The following PPARGC1A variants were observed in gnomAD, a reference collection of about 807,000 sequenced individuals.
PPARGC1A encodes the protein peroxisome proliferator-activated receptor gamma coactivator 1-alpha.
In PPARGC1A, 25 loss-of-function variants were observed where a neutral mutation model predicts 88.7. The ratio of observed to expected loss-of-function variants is 0.28; its 90% CI spans 0.21 to 0.39. PPARGC1A has a LOEUF of 0.39. PPARGC1A is among the 10% of genes least tolerant of loss of function. PPARGC1A has a pLI of 1.00. For synonymous variants in PPARGC1A, 363 were observed against 355.6 expected, an observed-to-expected ratio of 1.02 and a Z score of -0.24; for missense variants, 880 against 968.7, an observed-to-expected ratio of 0.91 and a Z score of 1.22.
the PPARGC1A span, among the ~76,000 whole-genome samples, chr4:24,004,539 C>CA: frequency 2.0e-5 from 3 of 152,180 alleles, no homozygotes; most frequent in Non-Finnish European, 4.4e-5. Context: ...AGTGACCATA[C>CA]ACCATTAACC....
chr4:24,295,249 C>T, the PPARGC1A span, among the ~76,000 whole-genome samples: 1 of 152,184 alleles, frequency 6.6e-6, no homozygotes, highest in Non-Finnish European at 1.5e-5. Context: ...CTCTTTCCCT[C>T]CATCACAACT....
At chr4:24,206,929 T>C in the PPARGC1A span, among the ~76,000 whole-genome samples, 7 of 151,404 alleles carry the variant, frequency 4.6e-5, no homozygotes, top group Admixed American at 4.6e-4. Flanking sequence ...GATTTTTATA[T>C]TTTTCTATAT....
rs1716789348 is a variant in PPARGC1A at position 23,792,370 on chromosome 4, G to T, written c.*3452C>A. 6.6e-6 allele frequency: 1 copy of T among 152,566 alleles called. No homozygotes were observed. The highest frequency in any genetic ancestry group is 1.5e-5 in the Non-Finnish European group (1 of 68,012). The allele number at this position is 152,566 out of a possible 1,614,324, so 9.5% of individuals were successfully genotyped here. On this transcript the variant is annotated 3_prime_UTR_variant, in exon 13 of 13. Coordinates refer to ENST00000264867, the MANE Select transcript of PPARGC1A (RefSeq NM_013261.5). ...TATAGATCAGGTCTTAGACTACAGT[G>T]ATTGAAGTTCTCATTACAGCCATCA...
At chr4:23,986,669 A>T in the PPARGC1A span, among the ~76,000 whole-genome samples, 7 of 152,208 alleles carry the variant, frequency 4.6e-5, no homozygotes, top group East Asian at 1.4e-3. Context: ...TTAGTAGTAG[A>T]TAATGAAATT....
the PPARGC1A span, among the ~76,000 whole-genome samples, chr4:24,248,281 C>G: frequency 2.6e-5 from 4 of 152,102 alleles, no homozygotes; most frequent in Non-Finnish European, 5.9e-5. Flanking sequence ...CCCGCCACCA[C>G]GCCCGGCTAA....
At chr4:24,166,770 A>G in the PPARGC1A span, among the ~76,000 whole-genome samples, 1 of 152,210 alleles carries the variant, frequency 6.6e-6, no homozygotes, top group Non-Finnish European at 1.5e-5. Context: ...TGGATATTTT[A>G]AGCCCAGTCT....
the PPARGC1A span, among the ~76,000 whole-genome samples, chr4:23,961,118 G>A: frequency 6.4e-4 from 98 of 152,236 alleles, no homozygotes; most frequent in African/African-American, 2.2e-3. Context: ...CAATAATAAT[G>A]TCAGGAAAGA....
the PPARGC1A span, among the ~76,000 whole-genome samples, chr4:23,932,849 A>G: frequency 2.0e-5 from 3 of 152,160 alleles, no homozygotes; most frequent in Admixed American, 1.3e-4. Context: ...ACAAAATTCC[A>G]TAGCAATTTG....
At chr4:24,085,135 C>T in the PPARGC1A span, among the ~76,000 whole-genome samples, 3 of 152,056 alleles carry the variant, frequency 2.0e-5, no homozygotes, top group Non-Finnish European at 4.4e-5. Flanking sequence ...ACAAATCCTT[C>T]CCTGAGAACA....
the PPARGC1A span, among the ~76,000 whole-genome samples, chr4:24,246,739 C>A: frequency 2.0e-5 from 3 of 152,202 alleles, no homozygotes; most frequent in Non-Finnish European, 4.4e-5. Flanking sequence ...GTCACCACCA[C>A]GTCACCCACG....
At chr4:24,021,604 T>A in the PPARGC1A span, among the ~76,000 whole-genome samples, 1 of 152,172 alleles carries the variant, frequency 6.6e-6, no homozygotes, top group African/African-American at 2.4e-5. Flanking sequence ...CATGTACCTG[T>A]TTATTCATAT....
chr4:24,431,229 G>T, the PPARGC1A span, among the ~76,000 whole-genome samples: 1 of 152,082 alleles, frequency 6.6e-6, no homozygotes. Flanking sequence ...TTGGTGACTT[G>T]CTACAGTGGG....
At chr4:23,934,268 G>A in the PPARGC1A span, among the ~76,000 whole-genome samples, 1 of 152,126 alleles carries the variant, frequency 6.6e-6, no homozygotes. Context: ...TCAAAACAAG[G>A]GGACGTCACT....
chr4:23,971,900 T>C, the PPARGC1A span, among the ~76,000 whole-genome samples: 1 of 152,190 alleles, frequency 6.6e-6, no homozygotes, highest in East Asian at 1.9e-4. Flanking sequence ...GGCATCTAAC[T>C]TTATTGGTTG....
chr4:24,018,014 C>T, the PPARGC1A span, among the ~76,000 whole-genome samples: 1 of 152,110 alleles, frequency 6.6e-6, no homozygotes, highest in Non-Finnish European at 1.5e-5. Context: ...CAGCTGGAAG[C>T]CCTAAAAGTT....
chr4:24,431,161 AG>A, the PPARGC1A span, among the ~76,000 whole-genome samples: 1 of 151,752 alleles, frequency 6.6e-6, no homozygotes, highest in South Asian at 2.1e-4. Flanking sequence ...AAAAAGAAAA[AG>A]AAAAGACAAG....
At chr4:24,408,274 A>G in the PPARGC1A span, among the ~76,000 whole-genome samples, 4 of 152,168 alleles carry the variant, frequency 2.6e-5, no homozygotes, top group South Asian at 8.3e-4. Context: ...AAAAAAAGAC[A>G]GGAAATATCT....
intron 5 of PPARGC1A, 92 bp downstream of exon 5, chr4:23,828,308 G>C: frequency 3.0e-6 from 4 of 1,324,478 alleles, no homozygotes; most frequent in Non-Finnish European, 4.3e-6. Context: ...CTGATGGGAC[G>C]GAAGCAAGAA....
At chr4:24,471,346 G>GCACA in the PPARGC1A span, among the ~76,000 whole-genome samples, 5 of 150,792 alleles carry the variant, frequency 3.3e-5, no homozygotes, top group South Asian at 4.2e-4. This position sits in a 1 kb window ranked among gnomAD's most constrained non-coding sequence, Gnocchi z 5.4. Context: ...ACACCCGCGT[G>GCACA]CACACACACA....
Sources: gnomAD v4.1 joint callset for allele counts (sites outside exome capture counted in the v4.1 genomes callset) on GRCh38, gnomAD v4.1.1 for gene constraint, Gnocchi (gnomAD v3.1) non-coding constraint, MANE v1.5 for transcripts, NCBI Gene and HGNC (gene_info 2026-07-23, HGNC 2026-07-21) for gene names.